RANBP2: variants seen among roughly 807,000 people sequenced by gnomAD.
The protein encoded by RANBP2 is RAN binding protein 2.
RANBP2 carries 57 observed loss-of-function variants against 303.6 expected under a neutral mutation model. The ratio of observed to expected loss-of-function variants is 0.19; its 90% CI spans 0.15 to 0.23. RANBP2 has a LOEUF of 0.23. Among genes scored for constraint, RANBP2 ranks in the 10% least tolerant of loss-of-function variants. RANBP2 has a pLI of 1.00. For synonymous variants in RANBP2, 1,167 were observed against 1,301.5 expected (o/e 0.90, Z 2.23); for missense variants, 3,138 against 3,780.8 (o/e 0.83, Z 4.46).
the RANBP2 span, among the ~76,000 whole-genome samples, chr2:109,363,298 C>T: frequency 6.6e-6 from 1 of 152,090 alleles, no homozygotes; most frequent in African/African-American, 2.4e-5. Flanking sequence ...TTCAAGCCCA[C>T]TTTCAAATAA....
At chr2:109,507,854 A>T in the RANBP2 span, among the ~76,000 whole-genome samples, 1 of 152,230 alleles carries the variant, frequency 6.6e-6, no homozygotes, top group African/African-American at 2.4e-5. Flanking sequence ...GTGTTCCATG[A>T]GGACACTTGG....
the RANBP2 span, among the ~76,000 whole-genome samples, chr2:109,433,080 T>G: frequency 2.0e-5 from 3 of 152,230 alleles, no homozygotes; most frequent in Non-Finnish European, 1.5e-5. Flanking sequence ...TTTGTGCATG[T>G]GTGCAGAGTA....
the RANBP2 span, among the ~76,000 whole-genome samples, chr2:108,793,746 G>C: frequency 1.3e-5 from 2 of 151,626 alleles, no homozygotes; most frequent in African/African-American, 4.8e-5. Flanking sequence ...ACAGGCACCC[G>C]CCATCACGCC....
the RANBP2 span, among the ~76,000 whole-genome samples, chr2:109,235,508 G>T: frequency 6.6e-6 from 1 of 152,218 alleles, no homozygotes; most frequent in East Asian, 1.9e-4. Context: ...GTGGCACATG[G>T]GGCCATCTGG....
the RANBP2 span, among the ~76,000 whole-genome samples, chr2:109,486,464 T>A: frequency 4.6e-5 from 7 of 152,306 alleles, no homozygotes; most frequent in Non-Finnish European, 7.4e-5. Context: ...ACTAACTAGG[T>A]CCTAGGTATT....
At chr2:109,342,463 A>G in the RANBP2 span, among the ~76,000 whole-genome samples, 2 of 152,184 alleles carry the variant, frequency 1.3e-5, no homozygotes, top group Admixed American at 1.3e-4. Flanking sequence ...CTAATTGTGA[A>G]GGGGGCCCTC....
At chr2:109,579,311 GATTT>G in the RANBP2 span, among the ~76,000 whole-genome samples, 3 of 151,138 alleles carry the variant, frequency 2.0e-5, no homozygotes, top group Admixed American at 2.0e-4. Context: ...CCCAGGCACT[GATTT>G]TTTTTATTGG....
At chr2:108,999,403 C>T in the RANBP2 span, among the ~76,000 whole-genome samples, 1 of 152,218 alleles carries the variant, frequency 6.6e-6, no homozygotes, top group African/African-American at 2.4e-5. Flanking sequence ...GTGGATTCAG[C>T]AGCTACACAG....
the RANBP2 span, among the ~76,000 whole-genome samples, chr2:109,701,407 A>C: frequency 6.6e-6 from 1 of 152,074 alleles, no homozygotes; most frequent in African/African-American, 2.4e-5. Flanking sequence ...CGTTTTAGAG[A>C]TACATGAGAC....
chr2:109,675,058 C>T, the RANBP2 span, among the ~76,000 whole-genome samples: 1 of 152,174 alleles, frequency 6.6e-6, no homozygotes, highest in African/African-American at 2.4e-5. Context: ...CAGCTTTGAA[C>T]TCCTGGACTC....
At chr2:109,074,260 C>T in the RANBP2 span, among the ~76,000 whole-genome samples, 6 of 150,134 alleles carry the variant, frequency 4.0e-5, no homozygotes, top group East Asian at 1.9e-4. Flanking sequence ...TCCAGCTACT[C>T]GGGAGGCTGA....
At chr2:109,379,547 G>A in the RANBP2 span, among the ~76,000 whole-genome samples, 4 of 152,214 alleles carry the variant, frequency 2.6e-5, no homozygotes, top group Admixed American at 2.6e-4. Context: ...AAAGTATGAA[G>A]GAAAAATACT....
the RANBP2 span, among the ~76,000 whole-genome samples, chr2:108,823,294 G>A: frequency 2.2e-4 from 34 of 152,266 alleles, no homozygotes; most frequent in African/African-American, 7.7e-4. Flanking sequence ...ACTCTGTGGG[G>A]CCTACATTAC....
chr2:109,717,978 C>T, the RANBP2 span, among the ~76,000 whole-genome samples: 1 of 152,080 alleles, frequency 6.6e-6, no homozygotes, highest in East Asian at 1.9e-4. Flanking sequence ...GAATAAATTA[C>T]CTAAACATAA....
the RANBP2 span, among the ~76,000 whole-genome samples, chr2:109,237,430 G>T: frequency 6.6e-6 from 1 of 152,206 alleles, no homozygotes; most frequent in South Asian, 2.1e-4. Context: ...GAGAAGGTTG[G>T]TGGAAGGCTG....
chr2:108,728,062 A>C lies in RANBP2; in HGVS notation c.73-1070A>C, dbSNP rs2918711. ...CTGTAGAGAGAACAGTACATGGACC[A>C]GGGAATCCTCAGTGCCTTAATAGAT... On this transcript the variant is annotated intron_variant, in intron 1 of 28. Coordinates refer to ENST00000283195, the MANE Select transcript of RANBP2 (RefSeq NM_006267.5). Among the ~76,000 whole-genome samples the C allele has an allele frequency of 5.8e-4, 88 of 152,314 alleles. 1 individual carries two copies. In the South Asian group the frequency reaches 0.016, roughly 28 times the overall value.
At chr2:108,806,088 T>C in the RANBP2 span, among the ~76,000 whole-genome samples, 1 of 152,194 alleles carries the variant, frequency 6.6e-6, no homozygotes, top group Non-Finnish European at 1.5e-5. Context: ...GTGATCCTCC[T>C]CCTTGGCAGT....
chr2:109,286,712 AC>A, the RANBP2 span, among the ~76,000 whole-genome samples: 213 of 152,308 alleles, frequency 1.4e-3, no homozygotes, highest in African/African-American at 5.0e-3. Context: ...GCTTTGAGCT[AC>A]CAGGATTCCC....
chr2:109,313,126 C>T, the RANBP2 span, among the ~76,000 whole-genome samples: 6 of 152,166 alleles, frequency 3.9e-5, no homozygotes, highest in Admixed American at 2.6e-4. Context: ...GTAATATTTG[C>T]CCTGTGCCTG....
Sources: gnomAD v4.1 joint callset for allele counts (sites outside exome capture counted in the v4.1 genomes callset) on GRCh38, gnomAD v4.1.1 for gene constraint, MANE v1.5 for transcripts, NCBI Gene and HGNC (gene_info 2026-07-23, HGNC 2026-07-21) for gene names.